Variants in PLSCR4 observed in about 807,000 individuals in gnomAD.
PLSCR4 encodes the protein Ca(2+)-dependent phospholipid scramblase 4.
A neutral mutation model predicts 36.3 loss-of-function variants in PLSCR4; 25 were observed. The ratio of observed to expected loss-of-function variants is 0.69; its 90% CI spans 0.50 to 0.96. The LOEUF (loss-of-function observed/expected upper bound fraction) is 0.96, where lower values mean the gene tolerates loss of function less well. Ranked by LOEUF, PLSCR4 falls within the 40% of genes least tolerant of loss-of-function variation. PLSCR4 has a pLI of 0.00. For synonymous variants in PLSCR4, 122 were observed against 132.9 expected (o/e 0.92, Z 0.56); for missense variants, 408 against 414.7 (o/e 0.98, Z 0.14).
chr3:146,214,884 C>A (rs1218328629), intron 3 of PLSCR4, among the ~76,000 whole-genome samples: 3 of 152,096 alleles, frequency 2.0e-5, no homozygotes, highest in Non-Finnish European at 2.9e-5. Context: ...CAGTCTCCAA[C>A]TATTATTTAT....
chr3:146,225,619 C>T (rs1191906220), intron 1 of PLSCR4, among the ~76,000 whole-genome samples: 1 of 152,220 alleles, frequency 6.6e-6, no homozygotes, highest in Non-Finnish European at 1.5e-5. Flanking sequence ...GAGCACAGCA[C>T]CGGTGGGCTG....
chr3:146,244,214 C>T (rs768647300), intron 1 of PLSCR4, among the ~76,000 whole-genome samples: 1 of 152,034 alleles, frequency 6.6e-6, no homozygotes, highest in Non-Finnish European at 1.5e-5. Context: ...CGTACGTAAA[C>T]GTTTCATACA....
intron 1 of PLSCR4, among the ~76,000 whole-genome samples, chr3:146,227,912 T>G (rs1052115418): frequency 1.3e-5 from 2 of 152,256 alleles, no homozygotes; most frequent in Non-Finnish European, 2.9e-5. Flanking sequence ...GATTATATTC[T>G]TTGTCCATCT....
chr3:146,223,095 G>A lies in PLSCR4; in HGVS notation c.-21-1003C>T, dbSNP rs548129975. Among the ~76,000 whole-genome samples, 537 of 61,482 alleles carry A rather than the reference G, an allele frequency of 8.7e-3. 3 individuals are homozygous for A. The highest frequency in any genetic ancestry group is 0.016 in the Non-Finnish European group (411 of 25,542). The allele number at this position is 61,482 out of a possible 152,430, so 40.3% of individuals were successfully genotyped here. A position where few individuals can be genotyped will look rare whatever the true frequency, so the allele number is the denominator to read the frequency against. Reference sequence around the variant, plus strand: ...AGGGTAAGAATTGAAAGTTTAGACTGGGGCATGTTTAAGAAGAGACTAAAA... The same window carrying A: ...AGGGTAAGAATTGAAAGTTTAGACTAGGGCATGTTTAAGAAGAGACTAAAA... On this transcript the variant is annotated intron_variant, in intron 1 of 8. Transcript: ENST00000354952.
chr3:146,238,470 T>C (rs34287919), intron 1 of PLSCR4, among the ~76,000 whole-genome samples: 8,720 of 151,940 alleles, frequency 0.057, 281 homozygotes, highest in African/African-American at 0.082. Flanking sequence ...ATTGTAGTAA[T>C]AAAATGGTTT....
At chr3:146,246,390 A>C (rs1028732599) in intron 1 of PLSCR4, among the ~76,000 whole-genome samples, 1 of 151,984 alleles carries the variant, frequency 6.6e-6, no homozygotes, top group Admixed American at 6.6e-5. Flanking sequence ...ATGGTAGAAT[A>C]TTTCATTCTT....
chr3:146,204,377 C>A (rs1464761673), intron 4 of PLSCR4, among the ~76,000 whole-genome samples: 2 of 151,890 alleles, frequency 1.3e-5, no homozygotes. Context: ...ATTGGGACGG[C>A]CCTTTATGTC....
intron 3 of PLSCR4, among the ~76,000 whole-genome samples, chr3:146,211,131 A>G (rs1171922258): frequency 2.0e-5 from 3 of 152,074 alleles, no homozygotes; most frequent in African/African-American, 7.2e-5. Flanking sequence ...ATTAACTGCC[A>G]AACTGTTTTC....
chr3:146,226,056 G>C (rs904547422), intron 1 of PLSCR4, among the ~76,000 whole-genome samples: 19 of 152,190 alleles, frequency 1.2e-4, no homozygotes, highest in African/African-American at 4.3e-4. Flanking sequence ...TAAATATATA[G>C]AGGAAAGCTT....
intron 4 of PLSCR4, among the ~76,000 whole-genome samples, chr3:146,202,535 T>C (rs1416616139): frequency 1.3e-5 from 2 of 152,058 alleles, no homozygotes; most frequent in African/African-American, 4.8e-5. Flanking sequence ...GTCTTGTCTC[T>C]ATGTTAATGA....
chr3:146,200,122 T>C, intron 5 of PLSCR4, 83 bp from the exon 6 acceptor site: 1 of 775,632 alleles, frequency 1.3e-6, no homozygotes, highest in Admixed American at 2.3e-5. Flanking sequence ...TCTTAAGGGC[T>C]TAAAGCAACA....
intron 1 of PLSCR4, chr3:146,250,527 T>A (rs2036504572): frequency 6.6e-6 from 1 of 152,074 alleles, no homozygotes; most frequent in South Asian, 2.1e-4. Flanking sequence ...CGCTGAGCAA[T>A]TAAAAAGTTA....
intron 4 of PLSCR4, among the ~76,000 whole-genome samples, chr3:146,201,490 T>C (rs1397423912): frequency 1.3e-5 from 2 of 152,020 alleles, no homozygotes; most frequent in Non-Finnish European, 2.9e-5. Context: ...GGACCAGCCA[T>C]AGAAAAGGGA....
chr3:146,225,932 G>A (rs1308537896), intron 1 of PLSCR4, among the ~76,000 whole-genome samples: 1 of 152,218 alleles, frequency 6.6e-6, no homozygotes, highest in Non-Finnish European at 1.5e-5. Context: ...AGCCCAGGCA[G>A]AGGAGGTGCC....
chr3:146,207,625 G>A (rs535748098), intron 3 of PLSCR4, among the ~76,000 whole-genome samples: 64 of 152,078 alleles, frequency 4.2e-4, no homozygotes, highest in Admixed American at 1.1e-3. Context: ...CCACTCTTTT[G>A]ATTTAATTTT....
At chr3:146,225,794 C>T (rs563647339) in intron 1 of PLSCR4, among the ~76,000 whole-genome samples, 32 of 152,270 alleles carry the variant, frequency 2.1e-4, no homozygotes, top group East Asian at 7.8e-4. Context: ...ACGCGGTTGC[C>T]GCTGGCGCCT....
chr3:146,215,012 T>C (rs1040519215), intron 3 of PLSCR4, among the ~76,000 whole-genome samples: 4 of 152,170 alleles, frequency 2.6e-5, no homozygotes, highest in African/African-American at 9.7e-5. Context: ...ACTTTTATTA[T>C]TATAAAATGA....
At chr3:146,248,812 A>G (rs867766143) in intron 1 of PLSCR4, among the ~76,000 whole-genome samples, 9 of 152,198 alleles carry the variant, frequency 5.9e-5, no homozygotes, top group Admixed American at 3.9e-4. Flanking sequence ...CTTTAACCCT[A>G]AAACAGCTTC....
chr3:146,244,709 C>G (rs2036276990), intron 1 of PLSCR4, among the ~76,000 whole-genome samples: 2 of 151,998 alleles, frequency 1.3e-5, no homozygotes, highest in South Asian at 2.1e-4. Context: ...TTCCCTGAGA[C>G]AAAACAATAT....
Sources: allele counts gnomAD v4.1 joint callset (sites outside exome capture counted in the v4.1 genomes callset), GRCh38; gene constraint gnomAD v4.1.1; transcripts MANE v1.5; gene names NCBI Gene and HGNC (gene_info 2026-07-23, HGNC 2026-07-21).